The following RIGI variants were observed in gnomAD, a reference collection of about 807,000 sequenced individuals.
RIGI encodes the protein RNA sensor RIG-I.
At chr9:32,495,917 A>G in the RIGI span, among the ~76,000 whole-genome samples, 1 of 152,178 alleles carries the variant, frequency 6.6e-6, no homozygotes, top group Admixed American at 6.5e-5. Context: ...TCAGCCTCCC[A>G]AAGTGCTGGG....
At chr9:32,519,072 T>C in the RIGI span, among the ~76,000 whole-genome samples, 63 of 152,222 alleles carry the variant, frequency 4.1e-4, no homozygotes, top group Admixed American at 3.5e-3. Flanking sequence ...AGACATTAAA[T>C]TGTGCATCAG....
chr9:32,478,606 C>A, the RIGI span, among the ~76,000 whole-genome samples: 8 of 152,164 alleles, frequency 5.3e-5, no homozygotes, highest in East Asian at 1.9e-4. Flanking sequence ...ACCACCCAAG[C>A]TGGGGTCCAG....
chr9:32,457,288 T>A, the RIGI span: 1 of 1,614,088 alleles, frequency 6.2e-7, no homozygotes, highest in East Asian at 2.2e-5. Flanking sequence ...TCCCCAGTCA[T>A]GGCTGCAGTT....
At chr9:32,491,524 A>G in the RIGI span, 1 of 897,272 alleles carries the variant, frequency 1.1e-6, no homozygotes. Context: ...TTTAACTTCT[A>G]TTAAAATTTC....
the RIGI span, among the ~76,000 whole-genome samples, chr9:32,520,562 G>A: frequency 6.6e-6 from 1 of 152,104 alleles, no homozygotes; most frequent in East Asian, 1.9e-4. Flanking sequence ...ATGAGACATA[G>A]GGCTAGAAAT....
At chr9:32,502,367 C>T in the RIGI span, among the ~76,000 whole-genome samples, 502 of 152,328 alleles carry the variant, frequency 3.3e-3, no homozygotes, top group African/African-American at 7.3e-3. Flanking sequence ...CTTGAGTACA[C>T]ACATAGGTGT....
At chr9:32,522,668 A>G in the RIGI span, among the ~76,000 whole-genome samples, 4 of 152,186 alleles carry the variant, frequency 2.6e-5, no homozygotes, top group Non-Finnish European at 5.9e-5. Context: ...TGTGTCTCAG[A>G]AGAAAACTAT....
the RIGI span, among the ~76,000 whole-genome samples, chr9:32,523,383 A>C: frequency 3.9e-5 from 6 of 152,162 alleles, no homozygotes; most frequent in African/African-American, 1.4e-4. Flanking sequence ...ACATCTCTTC[A>C]TGGATGTATC....
the RIGI span, chr9:32,485,341 G>T: frequency 1.2e-5 from 14 of 1,203,320 alleles, no homozygotes; most frequent in Non-Finnish European, 1.7e-5. Context: ...AGGAAGGACA[G>T]ATTGTAGTTC....
the RIGI span, among the ~76,000 whole-genome samples, chr9:32,510,655 G>A: frequency 2.4e-4 from 36 of 152,238 alleles, no homozygotes; most frequent in African/African-American, 8.4e-4. Flanking sequence ...AAAGACCATC[G>A]ACACTATGAA....
the RIGI span, chr9:32,457,259 T>C: frequency 6.2e-7 from 1 of 1,614,046 alleles, no homozygotes. Flanking sequence ...ATCTCAAATG[T>C]CTTGTACTTC....
At chr9:32,457,828 A>G in the RIGI span, among the ~76,000 whole-genome samples, 1 of 152,222 alleles carries the variant, frequency 6.6e-6, no homozygotes, top group Admixed American at 6.5e-5. Flanking sequence ...TCAAGATGCA[A>G]TTGAAGAAGG....
At chr9:32,467,663 C>G in the RIGI span, 12 of 1,253,732 alleles carry the variant, frequency 9.6e-6, no homozygotes, top group Non-Finnish European at 9.7e-6. Flanking sequence ...GTCACATACT[C>G]AACCATGGCT....
chr9:32,494,138 C>A, the RIGI span, among the ~76,000 whole-genome samples: 1 of 152,090 alleles, frequency 6.6e-6, no homozygotes, highest in African/African-American at 2.4e-5. Flanking sequence ...GGTCTTCTAG[C>A]AATATTTATT....
chr9:32,506,687 C>A, the RIGI span, among the ~76,000 whole-genome samples: 11 of 152,078 alleles, frequency 7.2e-5, no homozygotes, highest in African/African-American at 2.7e-4. Context: ...AAATGCGTGG[C>A]CTCCGTTTTT....
At chr9:32,519,418 T>A in the RIGI span, among the ~76,000 whole-genome samples, 1 of 152,194 alleles carries the variant, frequency 6.6e-6, no homozygotes, top group African/African-American at 2.4e-5. Flanking sequence ...GACACCAGCC[T>A]TTAAAATTTG....
chr9:32,505,905 A>G, the RIGI span, among the ~76,000 whole-genome samples: 1 of 152,296 alleles, frequency 6.6e-6, no homozygotes, highest in African/African-American at 2.4e-5. Flanking sequence ...ATAATTCCTC[A>G]GTTTAACAGT....
chr9:32,485,216 C>T, the RIGI span: 2 of 1,609,928 alleles, frequency 1.2e-6, no homozygotes, highest in Non-Finnish European at 1.7e-6. Flanking sequence ...CTCTGTGTCC[C>T]TCATCAGCTG....
chr9:32,515,746 G>T, the RIGI span, among the ~76,000 whole-genome samples: 5 of 152,136 alleles, frequency 3.3e-5, no homozygotes, highest in African/African-American at 1.2e-4. Flanking sequence ...TAGTCCTGTG[G>T]GTGGCCCCAA....
Sources: gnomAD v4.1 joint callset for allele counts (sites outside exome capture counted in the v4.1 genomes callset) on GRCh38, gnomAD v4.1.1 for gene constraint, MANE v1.5 for transcripts, NCBI Gene and HGNC (gene_info 2026-07-23, HGNC 2026-07-21) for gene names.